Variants in MECOM observed in about 807,000 individuals in gnomAD.
MECOM encodes histone-lysine N-methyltransferase MECOM.
In MECOM, 13 loss-of-function variants were observed where a neutral mutation model predicts 116.3. That is an observed-to-expected ratio of 0.11 (90% CI 0.07 to 0.18). The LOEUF (loss-of-function observed/expected upper bound fraction) is 0.18. MECOM is among the 10% of genes least tolerant of loss of function. The pLI is 1.00. For missense variants in MECOM, 1,299 were observed against 1,509.0 expected (o/e 0.86, Z 2.31); for synonymous variants, 528 against 535.2 (o/e 0.99, Z 0.19).
At chr3:169,125,484 G>T (rs1732522143) in intron 5 of MECOM, among the ~76,000 whole-genome samples, 1 of 151,980 alleles carries the variant, frequency 6.6e-6, no homozygotes, top group Admixed American at 6.6e-5. Context: ...TAATTCCAAG[G>T]ATATGGTTTA....
intron 1 of MECOM, among the ~76,000 whole-genome samples, chr3:169,558,630 C>T (rs965127795): frequency 6.6e-6 from 1 of 152,198 alleles, no homozygotes. Flanking sequence ...ATCTGGGCCT[C>T]AGCCCAGAAA....
intron 1 of MECOM, among the ~76,000 whole-genome samples, chr3:169,467,689 T>G (rs1357708378): frequency 6.6e-6 from 1 of 152,180 alleles, no homozygotes; most frequent in Non-Finnish European, 1.5e-5. Context: ...CATTTTTGTT[T>G]TATATGTTCA....
intron 2 of MECOM, among the ~76,000 whole-genome samples, chr3:169,201,915 T>G (rs1278465281): frequency 6.6e-6 from 1 of 152,148 alleles, no homozygotes; most frequent in African/African-American, 2.4e-5. Context: ...TTCTTCTATG[T>G]GGTCACCCAC....
intron 1 of MECOM, among the ~76,000 whole-genome samples, chr3:169,623,273 T>C (rs1231879364): frequency 1.3e-5 from 2 of 152,240 alleles, no homozygotes; most frequent in African/African-American, 2.4e-5. Flanking sequence ...AAATGTATCA[T>C]GGTTGCAGCA....
chr3:169,655,959 G>T (rs1775497424), intron 1 of MECOM, among the ~76,000 whole-genome samples: 1 of 152,180 alleles, frequency 6.6e-6, no homozygotes, highest in Non-Finnish European at 1.5e-5. Context: ...AAGTAAAGAT[G>T]CTAGGCCTCA....
Position 169,172,389 on chromosome 3 carries a change from T to C in MECOM, c.376-28557A>G, listed in dbSNP as rs1271400325. On this transcript the variant is annotated intron_variant, in intron 2 of 16. Transcript: ENST00000651503. ...TATCACAGGTTTTCACTTCATTTAC[T>C]TCCGCAGGTACCCTTGTATGTGTGT... Among the ~76,000 whole-genome samples, 4 of 150,002 alleles carry C rather than the reference T, an allele frequency of 2.7e-5. No homozygotes were observed. The East Asian group carries it at 7.9e-4, about 30-fold the overall frequency.
chr3:169,600,204 T>C (rs1433639192), intron 1 of MECOM, among the ~76,000 whole-genome samples: 1 of 152,146 alleles, frequency 6.6e-6, no homozygotes, highest in Admixed American at 6.5e-5. Context: ...ACTCCTGACC[T>C]CATGTGATCT....
chr3:169,158,171 T>G (rs1299281036), intron 2 of MECOM, among the ~76,000 whole-genome samples: 1 of 152,220 alleles, frequency 6.6e-6, no homozygotes, highest in African/African-American at 2.4e-5. Flanking sequence ...TACGTAACTT[T>G]TAAAAAATGT....
intron 1 of MECOM, among the ~76,000 whole-genome samples, chr3:169,570,638 A>T (rs1305997447): frequency 6.6e-6 from 1 of 152,186 alleles, no homozygotes; most frequent in African/African-American, 2.4e-5. Context: ...AAGCTTATCC[A>T]CCACGATCAA....
chr3:169,612,466 CT>C (rs1409067311), intron 1 of MECOM, among the ~76,000 whole-genome samples: 1 of 152,046 alleles, frequency 6.6e-6, no homozygotes, highest in African/African-American at 2.4e-5. Flanking sequence ...CAGCTTTGCC[CT>C]TGGCTTTTTG....
chr3:169,242,330 T>C (rs1158956039), intron 2 of MECOM, among the ~76,000 whole-genome samples: 1 of 152,150 alleles, frequency 6.6e-6, no homozygotes, highest in Non-Finnish European at 1.5e-5. Context: ...CAAGCTTTCT[T>C]TTAACACTTA....
At chr3:169,330,150 C>T (rs532766590) in intron 2 of MECOM, among the ~76,000 whole-genome samples, 8 of 152,208 alleles carry the variant, frequency 5.3e-5, no homozygotes, top group Admixed American at 1.3e-4. Flanking sequence ...CTCAGCCTCC[C>T]GAATAGCTGA....
At chr3:169,551,903 G>A (rs1198677580) in intron 1 of MECOM, among the ~76,000 whole-genome samples, 1 of 152,132 alleles carries the variant, frequency 6.6e-6, no homozygotes, top group African/African-American at 2.4e-5. Flanking sequence ...GACACATGCT[G>A]CAATATGGAT....
chr3:169,135,418 T>C (rs552035156), intron 3 of MECOM, among the ~76,000 whole-genome samples: 9 of 152,146 alleles, frequency 5.9e-5, no homozygotes, highest in African/African-American at 2.2e-4. Flanking sequence ...ATTTTTGCTC[T>C]CTCTCTCAGA....
chr3:169,219,748 G>C (rs1368769715), intron 2 of MECOM, among the ~76,000 whole-genome samples: 1 of 149,912 alleles, frequency 6.7e-6, no homozygotes, highest in Admixed American at 6.7e-5. Flanking sequence ...TACATATATA[G>C]GTGTGTGTAT....
chr3:169,441,650 T>A (rs1258437683), intron 1 of MECOM, among the ~76,000 whole-genome samples: 5 of 152,056 alleles, frequency 3.3e-5, no homozygotes, highest in African/African-American at 4.8e-5. Context: ...ATGTCAAATA[T>A]GCATAAAATT....
At chr3:169,136,478 A>G (rs867250495) in intron 3 of MECOM, among the ~76,000 whole-genome samples, 21 of 151,756 alleles carry the variant, frequency 1.4e-4, no homozygotes, top group African/African-American at 5.1e-4. Flanking sequence ...ATCATATATC[A>G]TTATTCATTT....
At chr3:169,129,368 T>C (rs1733942041) in intron 4 of MECOM, among the ~76,000 whole-genome samples, 1 of 150,032 alleles carries the variant, frequency 6.7e-6, no homozygotes, top group Admixed American at 6.7e-5. Flanking sequence ...AAAACAGCCA[T>C]TGAAAGTGGG....
chr3:169,207,701 G>A (rs1750132146), intron 2 of MECOM, among the ~76,000 whole-genome samples: 1 of 152,104 alleles, frequency 6.6e-6, no homozygotes, highest in Admixed American at 6.6e-5. Flanking sequence ...GGTTTTTCCT[G>A]ATATTCTGTT....
Sources: allele counts gnomAD v4.1 joint callset (sites outside exome capture counted in the v4.1 genomes callset), GRCh38; gene constraint gnomAD v4.1.1; transcripts MANE v1.5; gene names NCBI Gene and HGNC (gene_info 2026-07-23, HGNC 2026-07-21).